NMBR: variants seen among roughly 807,000 people sequenced by gnomAD.
NMBR encodes the protein neuromedin-B receptor.
In NMBR, 16 loss-of-function variants were observed where a neutral mutation model predicts 20.5. That is an observed-to-expected ratio of 0.78 (90% CI 0.53 to 1.19). The LOEUF is 1.19. NMBR is among the 50% of genes most tolerant of loss of function. NMBR has a pLI of 0.00. For missense variants in NMBR, 582 were observed against 499.1 expected (o/e 1.17, Z -1.58); for synonymous variants, 212 against 196.6 (o/e 1.08, Z -0.65).
intron 1 of NMBR, among the ~76,000 whole-genome samples, chr6:142,138,354 A>C (rs1320511289): frequency 6.6e-6 from 1 of 152,180 alleles, no homozygotes; most frequent in Non-Finnish European, 1.5e-5. Context: ...GCACAGGAGA[A>C]AATCCAACTT....
chr6:142,079,842 A>T (rs1777057303), intron 2 of NMBR, among the ~76,000 whole-genome samples: 1 of 152,220 alleles, frequency 6.6e-6, no homozygotes, highest in South Asian at 2.1e-4. Context: ...TAATGGCAAT[A>T]TACTAGCAGT....
chr6:142,126,907 T>C (rs1464110085), intron 1 of NMBR, among the ~76,000 whole-genome samples: 8 of 151,616 alleles, frequency 5.3e-5, no homozygotes, highest in African/African-American at 1.9e-4. Flanking sequence ...GGGGGTTTAT[T>C]TAGTTTTGGT....
At chr6:142,105,161 A>T (rs575078829) in intron 1 of NMBR, among the ~76,000 whole-genome samples, 8 of 152,242 alleles carry the variant, frequency 5.3e-5, no homozygotes, top group African/African-American at 1.9e-4. Flanking sequence ...GTATTTTCAC[A>T]AAGTCAGTTG....
At chr6:142,102,103 T>C (rs1231339710) in intron 1 of NMBR, among the ~76,000 whole-genome samples, 2 of 152,078 alleles carry the variant, frequency 1.3e-5, no homozygotes, top group Non-Finnish European at 2.9e-5. Context: ...AAGAGTCTAC[T>C]TGCAGCTGGG....
At chr6:142,135,667 C>T (rs1778241912) in intron 1 of NMBR, among the ~76,000 whole-genome samples, 1 of 147,462 alleles carries the variant, frequency 6.8e-6, no homozygotes, top group African/African-American at 2.5e-5. Context: ...CACAACAGTC[C>T]CCAGAGTGTG....
intron 1 of NMBR, among the ~76,000 whole-genome samples, chr6:142,109,691 C>T (rs2842756): frequency 0.35 from 53,663 of 151,782 alleles, 10,733 homozygotes; most frequent in Middle Eastern, 0.52. Flanking sequence ...TGAAATGCTA[C>T]GATCTGAATG....
At chr6:142,133,756 C>G in intron 1 of NMBR, 2 of 525,050 alleles carry the variant, frequency 3.8e-6, no homozygotes, top group African/African-American at 1.9e-5. Flanking sequence ...CTTCTTGACT[C>G]TTACATTTTT....
chr6:142,093,987 C>T (rs183246528), intron 1 of NMBR, among the ~76,000 whole-genome samples: 94,759 of 147,988 alleles, frequency 0.64, 32,313 homozygotes, highest in East Asian at 0.87. Flanking sequence ...TTCGCCCACT[C>T]TTTGATGGGG....
chr6:142,131,521 C>A (rs1778142253), intron 1 of NMBR, among the ~76,000 whole-genome samples: 1 of 152,150 alleles, frequency 6.6e-6, no homozygotes, highest in Admixed American at 6.6e-5. Context: ...GCAAGAAACA[C>A]AGGTTGTCAC....
At chr6:142,076,156 T>C in intron 3 of NMBR, 107 bp from the exon 4 acceptor site, 1 of 778,410 alleles carries the variant, frequency 1.3e-6, no homozygotes, top group East Asian at 2.7e-5. Flanking sequence ...TGATAATACA[T>C]CCAAAATACA....
chr6:142,080,638 A>G (rs1204189924), intron 2 of NMBR, among the ~76,000 whole-genome samples: 1 of 152,156 alleles, frequency 6.6e-6, no homozygotes, highest in African/African-American at 2.4e-5. Flanking sequence ...TAAAACTAAT[A>G]CAAAAATAAA....
chr6:142,076,084 G>T, intron 3 of NMBR, 35 bp from the exon 4 acceptor site: 2 of 1,524,818 alleles, frequency 1.3e-6, no homozygotes, highest in Non-Finnish European at 1.8e-6. Context: ...ATTGGTTAAA[G>T]TGAAAATGGA....
At chr6:142,132,198 A>G (rs1172035415) in intron 1 of NMBR, among the ~76,000 whole-genome samples, 1 of 152,190 alleles carries the variant, frequency 6.6e-6, no homozygotes, top group Non-Finnish European at 1.5e-5. Flanking sequence ...TGGAGTTACA[A>G]TCTTTGGCAG....
At chr6:142,121,826 G>T (rs1777947767) in intron 1 of NMBR, among the ~76,000 whole-genome samples, 1 of 151,818 alleles carries the variant, frequency 6.6e-6, no homozygotes, top group African/African-American at 2.4e-5. Context: ...TTACTTAGAA[G>T]TTCCAGTGGC....
rs183167034 is a variant in NMBR, at chr6:142,128,550, C to A, written c.-664+18494G>T. 1.1e-3 allele frequency among the ~76,000 whole-genome samples: 172 copies of A among 151,934 alleles called. 1 individual carries two copies. Among genetic ancestry groups the A allele is most frequent in the African/African-American group, 4.0e-3 (167 of 41,434 alleles). ...ATGTTGAGGTAAGTTCCTTTTATGC[C>A]TAATTAGTTGAAAGGTTTTATGAGG... On this transcript the variant is annotated intron_variant, in intron 1 of 3. Transcript: ENST00000258042.
At chr6:142,144,477 G>A (rs1778399990) in intron 1 of NMBR, among the ~76,000 whole-genome samples, 1 of 151,970 alleles carries the variant, frequency 6.6e-6, no homozygotes, top group Non-Finnish European at 1.5e-5. Flanking sequence ...TCCTATGGTT[G>A]CCCTCACCCC....
chr6:142,093,998 T>G (rs1562236881), intron 1 of NMBR, among the ~76,000 whole-genome samples: 1 of 109,260 alleles, frequency 9.2e-6, no homozygotes, highest in Non-Finnish European at 1.8e-5. Flanking sequence ...TTTGATGGGG[T>G]TGTTTTTTTT....
chr6:142,109,110 G>A (rs1225044513), intron 1 of NMBR, among the ~76,000 whole-genome samples: 1 of 152,176 alleles, frequency 6.6e-6, no homozygotes, highest in Non-Finnish European at 1.5e-5. Context: ...GCAGGGTACA[G>A]CTCCCTGCTT....
chr6:142,117,933 T>C (rs983863105), intron 1 of NMBR, among the ~76,000 whole-genome samples: 52 of 152,058 alleles, frequency 3.4e-4, no homozygotes, highest in African/African-American at 1.2e-3. Context: ...TTTATATTGA[T>C]GAAAATTGGG....
Sources: gnomAD v4.1 joint callset for allele counts (sites outside exome capture counted in the v4.1 genomes callset) on GRCh38, gnomAD v4.1.1 for gene constraint, MANE v1.5 for transcripts, NCBI Gene and HGNC (gene_info 2026-07-23, HGNC 2026-07-21) for gene names.